PDE11A: variants seen among roughly 807,000 people sequenced by gnomAD.
PDE11A encodes the protein dual 3',5'-cyclic-AMP and -GMP phosphodiesterase 11A.
A neutral mutation model predicts 100.5 loss-of-function variants in PDE11A; 100 were observed. That is an observed-to-expected ratio of 1.00 (90% CI 0.85 to 1.18). The LOEUF (loss-of-function observed/expected upper bound fraction) is 1.18, where lower values mean the gene tolerates loss of function less well. Ranked by LOEUF, PDE11A falls within the 50% of genes most tolerant of loss-of-function variation. The probability of loss-of-function intolerance (pLI) is 0.00; values close to 1 mark genes in which losing one functional copy is unlikely to be tolerated. For synonymous variants in PDE11A, 381 were observed against 420.8 expected, an observed-to-expected ratio of 0.91 and a Z score of 1.16; for missense variants, 1,141 against 1,152.6, an observed-to-expected ratio of 0.99 and a Z score of 0.15.
rs1232651972 is a variant in PDE11A, at chr2:177,769,349, A to G, written c.1762T>C (p.Ser588Pro). ...TTAAACTTGTCAACTTCAGCTTTTG[A>G]ACATGTTGCATGGTATGATAGCACC... Reference protein sequence around the residue: ...LDVLSYHATCSKAEVDKFKAA... With the variant: ...LDVLSYHATCPKAEVDKFKAA... The change falls in exon 10 of 20, where the codon TCA becomes CCA. Residue 588 changes from serine (S) to proline (P), a missense_variant. Physicochemically the swap from Ser to Pro is moderately conservative, Grantham distance 74. Transcript: ENST00000286063. 6 of 1,598,430 alleles carry G rather than the reference A, an allele frequency of 3.8e-6. No homozygotes were observed. Among genetic ancestry groups the G allele is most frequent in the Non-Finnish European group, 5.1e-6 (6 of 1,165,876 alleles).
chr2:177,683,731 G>A (rs1236904424), intron 15 of PDE11A, among the ~76,000 whole-genome samples: 1 of 152,080 alleles, frequency 6.6e-6, no homozygotes, highest in Non-Finnish European at 1.5e-5. Context: ...TTTTCTGGTC[G>A]TGTGACAAGA....
In PDE11A at chr2:177,935,056, C is replaced by A. The variant is rs541308837; in HGVS notation, c.1072-29869G>T. Among the ~76,000 whole-genome samples, 9 of 152,080 alleles carry A rather than the reference C, an allele frequency of 5.9e-5. No individual in the cohort carries two copies. The East Asian group carries it at 1.6e-3, about 26-fold the overall frequency. ...CTGTACCCCAAACCTCAGCATTTTA[C>A]AATATACCCAGGTAACAAAACTGGA... On this transcript the variant is annotated intron_variant, in intron 2 of 19. Transcript: ENST00000286063.
At chr2:178,065,638 C>T (rs931251940) in intron 1 of PDE11A, among the ~76,000 whole-genome samples, 7 of 152,036 alleles carry the variant, frequency 4.6e-5, no homozygotes, top group East Asian at 1.9e-4. Context: ...CATGTTTGCG[C>T]GCTTGGGGGA....
At chr2:177,743,295 G>A (rs2105467493) in intron 10 of PDE11A, among the ~76,000 whole-genome samples, 1 of 152,302 alleles carries the variant, frequency 6.6e-6, no homozygotes, top group Non-Finnish European at 1.5e-5. Context: ...AAGGTTAAAT[G>A]TGCAAATACT....
intron 16 of PDE11A, among the ~76,000 whole-genome samples, chr2:177,679,804 A>C (rs2080833363): frequency 6.6e-6 from 1 of 151,958 alleles, no homozygotes; most frequent in African/African-American, 2.4e-5. Context: ...AAGCTGAAGG[A>C]GCATGATTGA....
intron 2 of PDE11A, among the ~76,000 whole-genome samples, chr2:177,963,583 C>T (rs982497338): frequency 1.3e-5 from 2 of 152,220 alleles, no homozygotes; most frequent in Admixed American, 6.5e-5. Flanking sequence ...GTACTACTCT[C>T]CCCTGGTCCA....
At chr2:177,781,562 G>A (rs1030899256) in intron 9 of PDE11A, among the ~76,000 whole-genome samples, 12 of 151,856 alleles carry the variant, frequency 7.9e-5, no homozygotes, top group African/African-American at 2.7e-4. Flanking sequence ...GAGTGTAGTG[G>A]CTTGATCTCA....
At chr2:177,696,042 G>A (rs780725745) in intron 15 of PDE11A, among the ~76,000 whole-genome samples, 2 of 152,186 alleles carry the variant, frequency 1.3e-5, no homozygotes, top group Admixed American at 6.5e-5. Context: ...AGGGTAATGC[G>A]TAGACTAGTC....
chr2:177,641,210 A>C (rs1028461647), intron 19 of PDE11A, among the ~76,000 whole-genome samples: 1 of 152,132 alleles, frequency 6.6e-6, no homozygotes, highest in African/African-American at 2.4e-5. Flanking sequence ...AAATCCCTCA[A>C]TGTGGCCTAT....
At chr2:177,899,739 A>C (rs2084669087) in intron 3 of PDE11A, 1 of 168,370 alleles carries the variant, frequency 5.9e-6, no homozygotes, top group African/African-American at 2.4e-5. Flanking sequence ...CATACCCTTC[A>C]TATATATAAA....
intron 15 of PDE11A, among the ~76,000 whole-genome samples, chr2:177,681,306 G>T (rs1163031385): frequency 6.6e-6 from 1 of 152,226 alleles, no homozygotes; most frequent in Non-Finnish European, 1.5e-5. Context: ...GCTGCATGAT[G>T]ATCCAAGATA....
intron 8 of PDE11A, 43 bp from the exon 9 acceptor site, chr2:177,816,964 A>T: frequency 1.7e-6 from 2 of 1,155,906 alleles, no homozygotes; most frequent in Non-Finnish European, 2.6e-6. Flanking sequence ...GCAGCAACTC[A>T]TTGGCAAAAT....
chr2:178,028,679 G>A (rs550148448), intron 1 of PDE11A, among the ~76,000 whole-genome samples: 34 of 152,292 alleles, frequency 2.2e-4, no homozygotes, highest in Admixed American at 9.8e-4. Flanking sequence ...GCAAAATGCT[G>A]CAGTGTTTGT....
chr2:178,004,381 T>G (rs1218781126), intron 2 of PDE11A, among the ~76,000 whole-genome samples: 1 of 152,206 alleles, frequency 6.6e-6, no homozygotes, highest in African/African-American at 2.4e-5. Context: ...GAATTTAATT[T>G]TTAAAAATTC....
intron 10 of PDE11A, among the ~76,000 whole-genome samples, chr2:177,758,027 T>G (rs61334857): frequency 0.068 from 10,254 of 151,880 alleles, 386 homozygotes; most frequent in Middle Eastern, 0.16. Flanking sequence ...GGTGGCTCAC[T>G]CCTGTAATCC....
In PDE11A at chr2:177,627,604, C is replaced by T. The variant is rs934591436; in HGVS notation, c.*1803G>A. 5.3e-5 allele frequency: 8 copies of T among 152,026 alleles called. No homozygotes were observed. The South Asian group carries it at 8.3e-4, about 16-fold the overall frequency. 9.4% of individuals were successfully genotyped at this position (152,026 alleles called of 1,614,324 possible). On this transcript the variant is annotated 3_prime_UTR_variant, in exon 20 of 20. Transcript: ENST00000286063. ...CTCACGCCTGTAATCCCAGCACTTTCGGAGGCAGAGGTGGGTGGCTCACCT... is the reference window on the plus strand; with the variant it reads ...CTCACGCCTGTAATCCCAGCACTTTTGGAGGCAGAGGTGGGTGGCTCACCT...
intron 10 of PDE11A, among the ~76,000 whole-genome samples, chr2:177,756,278 C>T (rs1412855657): frequency 2.6e-5 from 4 of 152,062 alleles, no homozygotes; most frequent in South Asian, 2.1e-4. Context: ...CTCAGAGAAC[C>T]GGAGTAAAGC....
chr2:177,791,675 A>G (rs561162085), intron 9 of PDE11A, among the ~76,000 whole-genome samples: 70 of 152,268 alleles, frequency 4.6e-4, no homozygotes, highest in Middle Eastern at 3.4e-3. Context: ...TTTGATAGAT[A>G]TGATCTCCAA....
chr2:177,648,657 T>C (rs1334031786), intron 19 of PDE11A, among the ~76,000 whole-genome samples: 3 of 152,088 alleles, frequency 2.0e-5, no homozygotes, highest in African/African-American at 4.8e-5. Context: ...GACATTAAAA[T>C]ATATTATAAA....
Sources: gnomAD v4.1 joint callset for allele counts (sites outside exome capture counted in the v4.1 genomes callset) on GRCh38, gnomAD v4.1.1 for gene constraint, MANE v1.5 for transcripts, NCBI Gene and HGNC (gene_info 2026-07-23, HGNC 2026-07-21) for gene names.